The following ROBO1 variants were observed in gnomAD, a reference collection of about 807,000 sequenced individuals.
The protein encoded by ROBO1 is roundabout guidance receptor 1.
A neutral mutation model predicts 195.9 loss-of-function variants in ROBO1; 149 were observed. The observed-to-expected ratio is 0.76, with a 90% CI of 0.67 to 0.87. The LOEUF (loss-of-function observed/expected upper bound fraction) is 0.87, where lower values mean the gene tolerates loss of function less well. Ranked by LOEUF, ROBO1 falls within the 40% of genes least tolerant of loss-of-function variation. ROBO1 has a pLI of 0.00. For missense variants in ROBO1, 1,933 were observed against 2,068.3 expected, an observed-to-expected ratio of 0.93 and a Z score of 1.27; for synonymous variants, 816 against 733.2, an observed-to-expected ratio of 1.11 and a Z score of -1.82.
chr3:78,788,285 T>A lies in ROBO1; in HGVS notation c.500-41385A>T, dbSNP rs994462538. Among the ~76,000 whole-genome samples the A allele has an allele frequency of 5.3e-5, 8 of 151,100 alleles. No homozygotes were observed. The East Asian group carries it at 1.4e-3, about 26-fold the overall frequency. On this transcript the variant is annotated intron_variant, in intron 4 of 30. Coordinates refer to ENST00000464233, the MANE Select transcript of ROBO1 (RefSeq NM_002941.4). The stretch of plus-strand genomic sequence containing the variant: ...CGCCCGCCACCACGCCCAGATAATT[T>A]TTTTTTGTATTTTTAGTAGAGACGG...
At chr3:78,919,131 T>C (rs1021075422) in intron 4 of ROBO1, among the ~76,000 whole-genome samples, 1 of 152,196 alleles carries the variant, frequency 6.6e-6, no homozygotes, top group Non-Finnish European at 1.5e-5. Flanking sequence ...CTTGACTTTC[T>C]TACCGGTTAT....
intron 19 of ROBO1, among the ~76,000 whole-genome samples, chr3:78,650,402 T>C (rs762658198): frequency 2.0e-5 from 3 of 152,170 alleles, no homozygotes; most frequent in African/African-American, 4.8e-5. Context: ...AAGAGATTGC[T>C]GCTGAGCCAC....
At chr3:79,695,191 T>C (rs1481849812) in intron 1 of ROBO1, among the ~76,000 whole-genome samples, 1 of 149,882 alleles carries the variant, frequency 6.7e-6, no homozygotes, top group Non-Finnish European at 1.5e-5. Context: ...CTGATATATA[T>C]TGTCTTTTAA....
At chr3:79,268,646 T>C (rs1024381949) in intron 2 of ROBO1, among the ~76,000 whole-genome samples, 4 of 151,680 alleles carry the variant, frequency 2.6e-5, no homozygotes, top group African/African-American at 7.2e-5. Flanking sequence ...AGAGTTTGCA[T>C]TGACAAAATG....
At chr3:78,748,068 C>A in intron 4 of ROBO1, among the ~76,000 whole-genome samples, 1 of 152,264 alleles carries the variant, frequency 6.6e-6, no homozygotes, top group Non-Finnish European at 1.5e-5. Context: ...ATTTTGGTAA[C>A]CTAATTTAAC....
chr3:78,634,795 T>G (rs1705395196), intron 23 of ROBO1, among the ~76,000 whole-genome samples: 1 of 152,266 alleles, frequency 6.6e-6, no homozygotes, highest in South Asian at 2.1e-4. Flanking sequence ...TTTCTTAAAC[T>G]TGAGAAAAGC....
At chr3:79,110,973 A>G (rs2079875329) in intron 3 of ROBO1, among the ~76,000 whole-genome samples, 1 of 152,114 alleles carries the variant, frequency 6.6e-6, no homozygotes, top group African/African-American at 2.4e-5. Flanking sequence ...CAGTGACACT[A>G]CAGTGTCATA....
intron 4 of ROBO1, among the ~76,000 whole-genome samples, chr3:78,750,749 A>C (rs2108304239): frequency 6.6e-6 from 1 of 152,280 alleles, no homozygotes; most frequent in East Asian, 1.9e-4. Context: ...CTTGCAAAAC[A>C]GTCTTTAAGT....
intron 3 of ROBO1, among the ~76,000 whole-genome samples, chr3:79,054,941 G>T (rs549027230): frequency 6.6e-6 from 1 of 152,222 alleles, no homozygotes; most frequent in South Asian, 2.1e-4. Context: ...AACCCAGATG[G>T]GTCCCAGCCT....
intron 1 of ROBO1, among the ~76,000 whole-genome samples, chr3:79,756,864 G>A (rs1704433487): frequency 6.6e-6 from 1 of 151,946 alleles, no homozygotes; most frequent in Admixed American, 6.6e-5. Flanking sequence ...GTATCTCTGT[G>A]ACTTTGATTA....
At chr3:79,018,342 T>C in intron 3 of ROBO1, 2 of 1,593,622 alleles carry the variant, frequency 1.3e-6, no homozygotes, top group South Asian at 2.2e-5. Flanking sequence ...CTGGGTTTGA[T>C]CGTGCAAAGT....
At chr3:78,825,225 G>A (rs1188492792) in intron 4 of ROBO1, among the ~76,000 whole-genome samples, 1 of 152,050 alleles carries the variant, frequency 6.6e-6, no homozygotes, top group African/African-American at 2.4e-5. Flanking sequence ...AAGTTACCCC[G>A]ATAGTAAGGA....
intron 5 of ROBO1, among the ~76,000 whole-genome samples, chr3:78,731,099 A>G (rs1194452995): frequency 1.3e-5 from 2 of 152,166 alleles, no homozygotes; most frequent in African/African-American, 4.8e-5. Flanking sequence ...AGAGAAAATG[A>G]TCTGTGTAAA....
chr3:79,405,366 T>G (rs9854737), intron 2 of ROBO1, among the ~76,000 whole-genome samples: 8,384 of 152,244 alleles, frequency 0.055, 770 homozygotes, highest in African/African-American at 0.19. Context: ...GACAATTGTA[T>G]GTTATGACAT....
At chr3:79,343,780 G>A (rs891802726) in intron 2 of ROBO1, among the ~76,000 whole-genome samples, 2 of 152,136 alleles carry the variant, frequency 1.3e-5, no homozygotes, top group African/African-American at 2.4e-5. Flanking sequence ...AAGAATCTGA[G>A]TGTCCTTTGA....
intron 3 of ROBO1, among the ~76,000 whole-genome samples, chr3:79,097,397 A>G (rs1002720414): frequency 2.6e-5 from 4 of 151,806 alleles, no homozygotes; most frequent in Non-Finnish European, 5.9e-5. Flanking sequence ...GGGTTTTTCA[A>G]TGAAAGGTGG....
At chr3:78,740,540 C>T (rs1207732962) in intron 5 of ROBO1, among the ~76,000 whole-genome samples, 3 of 150,402 alleles carry the variant, frequency 2.0e-5, no homozygotes, top group East Asian at 2.0e-4. Flanking sequence ...GGCGCGACCT[C>T]GGCTCACTGC....
At chr3:79,608,276 T>C (rs1054206460) in intron 1 of ROBO1, among the ~76,000 whole-genome samples, 5 of 151,972 alleles carry the variant, frequency 3.3e-5, no homozygotes, top group African/African-American at 2.4e-5. Context: ...CCTTCTCTGA[T>C]ATTATGTTTG....
chr3:79,283,430 C>G (rs1470266274), intron 2 of ROBO1, among the ~76,000 whole-genome samples: 1 of 152,158 alleles, frequency 6.6e-6, no homozygotes, highest in Non-Finnish European at 1.5e-5. Context: ...AGAATTTGTA[C>G]TGTATCACAT....
Sources: allele counts gnomAD v4.1 joint callset (sites outside exome capture counted in the v4.1 genomes callset), GRCh38; gene constraint gnomAD v4.1.1; transcripts MANE v1.5; gene names NCBI Gene and HGNC (gene_info 2026-07-23, HGNC 2026-07-21).